Variants in CEP250 observed in about 807,000 individuals in gnomAD.
CEP250 encodes the protein centrosomal protein 250, also known as centrosome-associated protein CEP250.
CEP250 carries 242 observed loss-of-function variants against 315.7 expected under a neutral mutation model. That is an observed-to-expected ratio of 0.77 (90% CI 0.69 to 0.85). CEP250 has a LOEUF of 0.85. CEP250 is among the 40% of genes least tolerant of loss of function. The pLI, the probability that CEP250 is intolerant of heterozygous loss-of-function variation, is 0.00. For synonymous variants in CEP250, 1,088 were observed against 1,175.0 expected, an observed-to-expected ratio of 0.93 and a Z score of 1.51; for missense variants, 2,515 against 2,886.4, an observed-to-expected ratio of 0.87 and a Z score of 2.95.
intron 16 of CEP250, among the ~76,000 whole-genome samples, chr20:35,477,430 C>T (rs1345635291): frequency 2.0e-5 from 3 of 152,248 alleles, no homozygotes; most frequent in East Asian, 1.9e-4. Flanking sequence ...CCTGGGATTA[C>T]AGGCATGAGC....
chr20:35,509,804 C>T (rs1334407713), intron 33 of CEP250, among the ~76,000 whole-genome samples, 194 bp from the exon 34 acceptor site: 1 of 152,222 alleles, frequency 6.6e-6, no homozygotes, highest in Non-Finnish European at 1.5e-5. Context: ...ATGGCGTTGC[C>T]CATTATGCTG....
Position 35,465,768 on chromosome 20 carries a change from A to G in CEP250, c.269A>G (p.Asn90Ser), listed in dbSNP as rs774368531. 1 of 1,608,066 alleles carries G rather than the reference A, an allele frequency of 6.2e-7. No homozygotes were observed. Among genetic ancestry groups the G allele is most frequent in the Non-Finnish European group, 8.5e-7 (1 of 1,177,686 alleles). ...GGACCAATCCCCCAGAGGTGGGAAA[A>G]TGTGGAGGAGCCAAACCTGGATGAG... is the stretch of plus-strand genomic sequence containing the variant. ...TGGPIPQRWENVEEPNLDELL... is the reference protein window; with the variant it reads ...TGGPIPQRWESVEEPNLDELL... Residue 90 changes from asparagine to serine, a missense_variant, in exon 6 of 35, where the codon AAT (asparagine) becomes AGT (serine). Physicochemically the swap from Asn to Ser is conservative, Grantham distance 46 (BLOSUM62 1). Transcript: ENST00000397527.
intron 16 of CEP250, chr20:35,476,804 C>T (rs1049393809): frequency 2.4e-5 from 11 of 454,166 alleles, no homozygotes; most frequent in African/African-American, 9.7e-5. Context: ...GGGTAAGACA[C>T]CAAGGTTGGG....
At position 35,511,737 on chromosome 20, in the gene CEP250, C is replaced by T; in HGVS notation, c.*111C>T. 3 of 1,449,508 alleles carry T rather than the reference C, an allele frequency of 2.1e-6. No individual in the cohort carries two copies. The highest frequency in any genetic ancestry group is 2.7e-6 in the Non-Finnish European group (3 of 1,103,752). The allele number at this position is 1,449,508 out of a possible 1,614,324, so 89.8% of individuals were successfully genotyped here. On this transcript the variant is annotated 3_prime_UTR_variant, in exon 35 of 35. Coordinates refer to ENST00000397527, the MANE Select transcript of CEP250 (RefSeq NM_007186.6). Reference sequence around the variant, plus strand: ...CCTGGCTCTGTTAGGCACCCAGGAGCCCCAGGTCGGCGGGTGTTCCCAGGA... The same window carrying T: ...CCTGGCTCTGTTAGGCACCCAGGAGTCCCAGGTCGGCGGGTGTTCCCAGGA...
rs1210212451 is a variant in CEP250 at position 35,476,611 on chromosome 20, C to T, written c.1863+16C>T. On this transcript the variant is annotated intron_variant, in intron 16 of 34. Coordinates refer to ENST00000397527, the MANE Select transcript of CEP250 (RefSeq NM_007186.6). ...GCTTCTCCAGGTGAGCAAAGATTTTCCTGGTCCCCACAGAAGGGCTGGGCC... is the reference window on the plus strand; with the variant it reads ...GCTTCTCCAGGTGAGCAAAGATTTTTCTGGTCCCCACAGAAGGGCTGGGCC... 1.2e-6 allele frequency: 2 copies of T among 1,608,618 alleles called. No homozygotes were observed. Among genetic ancestry groups the T allele is most frequent in the Admixed American group, 1.7e-5 (1 of 59,944 alleles).
chr20:35,483,614 C>G (rs909165957), intron 20 of CEP250, among the ~76,000 whole-genome samples: 1 of 151,786 alleles, frequency 6.6e-6, no homozygotes, highest in African/African-American at 2.4e-5. Context: ...AAGCTGTCCT[C>G]TTGCCTCAGC....
At chr20:35,472,864 G>C (rs777873886) in intron 12 of CEP250, 33 bp downstream of exon 12, 2 of 1,612,164 alleles carry the variant, frequency 1.2e-6, no homozygotes, top group Non-Finnish European at 1.7e-6. Flanking sequence ...CTCAGTCACA[G>C]GGGTTTGTGT....
intron 12 of CEP250, among the ~76,000 whole-genome samples, 181 bp from the exon 13 acceptor site, chr20:35,473,193 C>G (rs1297070626): frequency 6.6e-6 from 1 of 152,168 alleles, no homozygotes; most frequent in East Asian, 1.9e-4. Flanking sequence ...CTCTAAGAAT[C>G]TAGAGCCACA....
At chr20:35,458,398 C>T (rs139662162) in intron 2 of CEP250, 24 bp downstream of exon 2, 1 of 152,266 alleles carries the variant, frequency 6.6e-6, no homozygotes, top group East Asian at 1.9e-4. Flanking sequence ...ATTTCTGTAC[C>T]ACTGTGGCAG....
At chr20:35,499,017 G>A (rs1049979073) in intron 27 of CEP250, among the ~76,000 whole-genome samples, 1 of 152,182 alleles carries the variant, frequency 6.6e-6, no homozygotes, top group African/African-American at 2.4e-5. Flanking sequence ...GCTCATGCCT[G>A]TAATCCCAGT....
chr20:35,495,775 A>G (rs1220014255), intron 24 of CEP250, among the ~76,000 whole-genome samples: 1 of 152,100 alleles, frequency 6.6e-6, no homozygotes, highest in Non-Finnish European at 1.5e-5. Flanking sequence ...CAACAAAAAA[A>G]AGACACAGTT....
chr20:35,503,817 C>G lies in CEP250; in HGVS notation c.5448C>G (p.Asp1816Glu), dbSNP rs139855716. Reference sequence around the variant, plus strand: ...CCCAGAGAGCCCTAGCCCAGAGGGACCAGGAACTGGAGGCTCTGCAGCAAG... The same window carrying G: ...CCCAGAGAGCCCTAGCCCAGAGGGAGCAGGAACTGGAGGCTCTGCAGCAAG... Reference protein sequence around the residue: ...DEAQRALAQRDQELEALQQEQ... With the variant: ...DEAQRALAQREQELEALQQEQ... Residue 1816 changes from aspartate (D) to glutamate (E), a missense_variant, in exon 30 of 35, where the codon GAC (aspartate) becomes GAG (glutamate). Coordinates refer to ENST00000397527, the MANE Select transcript of CEP250 (RefSeq NM_007186.6). The surrounding 1 kb of genome is among the most constrained non-coding windows in gnomAD (Gnocchi z 4.2). The G allele has an allele frequency of 3.1e-5, 50 of 1,613,792 alleles. No individual in the cohort carries two copies. The highest frequency in any genetic ancestry group is 4.1e-5 in the Non-Finnish European group (48 of 1,180,014).
chr20:35,492,121 G>A, intron 22 of CEP250, among the ~76,000 whole-genome samples: 1 of 152,134 alleles, frequency 6.6e-6, no homozygotes, highest in East Asian at 1.9e-4. Context: ...GTCAGGGAAG[G>A]CCTCACTGAG....
At chr20:35,473,279 G>A (rs2146790297) in intron 12 of CEP250, 95 bp from the exon 13 acceptor site, 3 of 1,075,862 alleles carry the variant, frequency 2.8e-6, no homozygotes, top group Non-Finnish European at 4.0e-6. Flanking sequence ...TGTTGCACCA[G>A]CCCCCGACCC....
At position 35,455,647 on chromosome 20, in the gene CEP250, TG is replaced by T. The variant is rs902857873; in HGVS notation, c.-401del. ...GAGCTCCCATTCTTCAGGACCCTGCTGAAGTATCGCTTCTCAGCCGCCTTCT... is the reference window on the plus strand; with the variant it reads ...GAGCTCCCATTCTTCAGGACCCTGCTAAGTATCGCTTCTCAGCCGCCTTCT... On this transcript the variant is annotated 5_prime_UTR_variant, in exon 1 of 35. Transcript: ENST00000397527. 5.3e-5 allele frequency: 8 copies of T among 152,318 alleles called. No homozygotes were observed. Among genetic ancestry groups the T allele is most frequent in the Admixed American group, 4.6e-4 (7 of 15,294 alleles). 9.4% of individuals were successfully genotyped at this position (152,318 alleles called of 1,614,324 possible). A position where few individuals can be genotyped will look rare whatever the true frequency, so the allele number is the denominator to read the frequency against.
rs754348414 is a variant in CEP250, at chr20:35,479,433, C to G, written c.2288+9C>G. On this transcript the variant is annotated intron_variant, in intron 18 of 34. Coordinates refer to ENST00000397527, the MANE Select transcript of CEP250 (RefSeq NM_007186.6). ...CAACTACAGGGGCTCAGGTAGGGCCCAGACTCAGTTCAGCCAAGCACAGAG... is the reference window on the plus strand; with the variant it reads ...CAACTACAGGGGCTCAGGTAGGGCCGAGACTCAGTTCAGCCAAGCACAGAG... 1 of 1,609,664 alleles carries G rather than the reference C, an allele frequency of 6.2e-7. No individual in the cohort carries two copies.
In CEP250 at chr20:35,498,850, C is replaced by G. The variant is rs538832530; in HGVS notation, c.3777+134C>G. 1.2e-4 allele frequency: 123 copies of G among 1,036,652 alleles called. No homozygotes were observed. The South Asian group carries it at 2.2e-3, about 19-fold the overall frequency. 64.2% of individuals were successfully genotyped at this position (1,036,652 alleles called of 1,614,324 possible). Reference sequence around the variant, plus strand: ...TGAGTTTCACCTCTATCACTTACCACCTGGCAACCACAAATGAAGCATTTG... The same window carrying G: ...TGAGTTTCACCTCTATCACTTACCAGCTGGCAACCACAAATGAAGCATTTG... On this transcript the variant is annotated intron_variant, in intron 27 of 34. Coordinates refer to ENST00000397527, the MANE Select transcript of CEP250 (RefSeq NM_007186.6).
Position 35,462,497 on chromosome 20 carries a change from A to G in CEP250, c.130A>G (p.Asn44Asp). ...NQAASWRKLK[N>D]SQEAQQRQAT... The stretch of plus-strand genomic sequence containing the variant: ...GGCAGCCTCCTGGCGGAAGCTGAAG[A>G]ACTCCCAGGAGGCCCAGCAGAGACA... Residue 44 changes from asparagine (N) to aspartate (D), a missense_variant, in exon 4 of 35, where the codon AAC becomes GAC. Coordinates refer to ENST00000397527, the MANE Select transcript of CEP250 (RefSeq NM_007186.6). 1 of 1,610,168 alleles carries G rather than the reference A, an allele frequency of 6.2e-7. No homozygotes were observed. Among genetic ancestry groups the G allele is most frequent in the Non-Finnish European group, 8.5e-7 (1 of 1,178,268 alleles).
chr20:35,490,628 TGTGGCCAGGAGAAGGAGCG>T lies in CEP250; in HGVS notation c.2587-8_2597del. The stretch of plus-strand genomic sequence containing the variant: ...TTTGGTTCTAATGGTGTTTCCTTCA[TGTGGCCAGGAGAAGGAGCG>T]CTCCTGGCACCAGCAGGAGCTGGCA... On this transcript the variant is annotated splice_acceptor_variant and splice_polypyrimidine_tract_variant and coding_sequence_variant and intron_variant, in exon 21 of 35. Coordinates refer to ENST00000397527, the MANE Select transcript of CEP250 (RefSeq NM_007186.6). LOFTEE classifies it high-confidence loss of function. The T allele has an allele frequency of 6.2e-7, 1 of 1,609,946 alleles. No individual in the cohort carries two copies. The highest frequency in any genetic ancestry group is 8.5e-7 in the Non-Finnish European group (1 of 1,179,038).
Sources: gnomAD v4.1 joint callset for allele counts (sites outside exome capture counted in the v4.1 genomes callset) on GRCh38, gnomAD v4.1.1 for gene constraint, Gnocchi (gnomAD v3.1) non-coding constraint, MANE v1.5 for transcripts, NCBI Gene and HGNC (gene_info 2026-07-23, HGNC 2026-07-21) for gene names.